Variants in LRP1B observed in about 807,000 individuals in gnomAD.
LRP1B encodes the protein LDL receptor related protein 1B.
A neutral mutation model predicts 556.6 loss-of-function variants in LRP1B; 217 were observed. That is an observed-to-expected ratio of 0.39 (90% CI 0.35 to 0.44). The LOEUF is 0.44. Ranked by LOEUF, LRP1B falls within the 20% of genes least tolerant of loss-of-function variation. LRP1B has a pLI of 1.00. For synonymous variants in LRP1B, 2,047 were observed against 1,865.8 expected (o/e 1.10, Z -2.50); for missense variants, 5,053 against 5,620.8 (o/e 0.90, Z 3.23).
intron 3 of LRP1B, among the ~76,000 whole-genome samples, chr2:141,422,591 T>C (rs1374405823): frequency 1.3e-5 from 2 of 152,186 alleles, no homozygotes; most frequent in Admixed American, 1.3e-4. Context: ...CACACACATA[T>C]GCATTCTCCA....
chr2:141,237,860 T>A (rs529729019), intron 5 of LRP1B, among the ~76,000 whole-genome samples: 1 of 152,268 alleles, frequency 6.6e-6, no homozygotes, highest in African/African-American at 2.4e-5. Context: ...ATTTCCCCTG[T>A]TATCTGAAAG....
intron 2 of LRP1B, among the ~76,000 whole-genome samples, chr2:141,615,626 G>A (rs1316381003): frequency 1.3e-5 from 2 of 152,030 alleles, no homozygotes; most frequent in Non-Finnish European, 2.9e-5. Context: ...ATGACTGTAA[G>A]TATATTGTGT....
At chr2:141,214,724 A>C (rs552219931) in intron 6 of LRP1B, among the ~76,000 whole-genome samples, 36 of 152,350 alleles carry the variant, frequency 2.4e-4, no homozygotes, top group African/African-American at 8.2e-4. Flanking sequence ...GTTACGTCCC[A>C]AAATAAATTT....
chr2:141,954,011 T>C (rs1408143986), intron 1 of LRP1B, among the ~76,000 whole-genome samples: 1 of 152,124 alleles, frequency 6.6e-6, no homozygotes, highest in Non-Finnish European at 1.5e-5. Flanking sequence ...ATCCTTTCCT[T>C]GCCCTATTCA....
intron 43 of LRP1B, among the ~76,000 whole-genome samples, chr2:140,558,585 AG>A (rs2105070350): frequency 6.6e-6 from 1 of 152,190 alleles, no homozygotes; most frequent in Non-Finnish European, 1.5e-5. Context: ...CTTAGGGCTG[AG>A]GGGAGTGAGA....
At chr2:141,399,420 C>T (rs1223743986) in intron 3 of LRP1B, among the ~76,000 whole-genome samples, 1 of 133,362 alleles carries the variant, frequency 7.5e-6, no homozygotes, top group Non-Finnish European at 1.7e-5. Flanking sequence ...GAAAACAAAC[C>T]CTGGAAGGTT....
intron 1 of LRP1B, among the ~76,000 whole-genome samples, chr2:141,975,840 T>C (rs1701871891): frequency 1.3e-5 from 2 of 152,104 alleles, no homozygotes; most frequent in Admixed American, 1.3e-4. Context: ...AACCGTAAAG[T>C]TTCTGTAGGT....
intron 86 of LRP1B, among the ~76,000 whole-genome samples, chr2:140,264,702 ATGTG>A (rs3033314): frequency 0.14 from 21,288 of 148,526 alleles, 1,863 homozygotes; most frequent in East Asian, 0.31. Flanking sequence ...TTGTCTATAT[ATGTG>A]TGTGTGTGTG....
At chr2:141,153,281 CTATA>C (rs529770627) in intron 7 of LRP1B, among the ~76,000 whole-genome samples, 1 of 121,946 alleles carries the variant, frequency 8.2e-6, no homozygotes, top group South Asian at 2.3e-4. Context: ...TATATATAAG[CTATA>C]TATATTTATA....
chr2:140,459,758 T>A (rs1397854678), intron 60 of LRP1B, among the ~76,000 whole-genome samples: 3 of 152,176 alleles, frequency 2.0e-5, no homozygotes, highest in African/African-American at 2.4e-5. Flanking sequence ...TCTCCAGTGT[T>A]GAGGGAGTGA....
chr2:141,188,292 T>G, intron 7 of LRP1B, 129 bp downstream of exon 7: 1 of 863,422 alleles, frequency 1.2e-6, no homozygotes, highest in Non-Finnish European at 1.8e-6. Context: ...GCGACACAGT[T>G]GTTAAAATCA....
chr2:141,539,596 T>TACA (rs1411549642), intron 2 of LRP1B, among the ~76,000 whole-genome samples: 2 of 152,168 alleles, frequency 1.3e-5, no homozygotes, highest in Non-Finnish European at 2.9e-5. Flanking sequence ...TTCAAGGATG[T>TACA]ACAACAGTTG....
chr2:142,058,452 T>G (rs1240110670), intron 1 of LRP1B, among the ~76,000 whole-genome samples: 1 of 152,192 alleles, frequency 6.6e-6, no homozygotes, highest in Non-Finnish European at 1.5e-5. Context: ...CGCAAGCTTG[T>G]GCAACCCATG....
intron 6 of LRP1B, among the ~76,000 whole-genome samples, chr2:141,205,744 G>A (rs1011970561): frequency 6.6e-6 from 1 of 152,012 alleles, no homozygotes; most frequent in African/African-American, 2.4e-5. Flanking sequence ...TTTTTCAAAT[G>A]TCTTTGAAAA....
intron 3 of LRP1B, among the ~76,000 whole-genome samples, chr2:141,455,062 T>C (rs10169343): frequency 0.028 from 4,306 of 152,236 alleles, 209 homozygotes; most frequent in African/African-American, 0.099. Context: ...TAATCTGATA[T>C]TATGGTATTG....
chr2:140,624,636 T>C (rs958931369), intron 41 of LRP1B, among the ~76,000 whole-genome samples: 3 of 152,298 alleles, frequency 2.0e-5, no homozygotes, highest in Middle Eastern at 3.4e-3. Context: ...TGAGTTATAA[T>C]ATGATTGCAC....
chr2:140,382,729 C>A (rs1238856053), intron 67 of LRP1B, among the ~76,000 whole-genome samples: 1 of 152,160 alleles, frequency 6.6e-6, no homozygotes, highest in Middle Eastern at 3.2e-3. Flanking sequence ...CTATCTCCAA[C>A]ACAATTTAAA....
chr2:141,944,633 A>C (rs939552312), intron 1 of LRP1B, among the ~76,000 whole-genome samples: 6 of 152,118 alleles, frequency 3.9e-5, no homozygotes, highest in Non-Finnish European at 8.8e-5. Context: ...TCCAAAGAAA[A>C]TATATATATC....
intron 35 of LRP1B, among the ~76,000 whole-genome samples, chr2:140,744,859 A>G (rs1688264994): frequency 6.6e-6 from 1 of 151,980 alleles, no homozygotes; most frequent in Non-Finnish European, 1.5e-5. Flanking sequence ...GAGAGGAGAG[A>G]TTTTGCCAAT....
Sources: gnomAD v4.1 joint callset for allele counts (sites outside exome capture counted in the v4.1 genomes callset) on GRCh38, gnomAD v4.1.1 for gene constraint, MANE v1.5 for transcripts, NCBI Gene and HGNC (gene_info 2026-07-23, HGNC 2026-07-21) for gene names.